GMDS: variants seen among roughly 807,000 people sequenced by gnomAD.
GMDS encodes GDP-mannose 4,6 dehydratase.
A neutral mutation model predicts 49.9 loss-of-function variants in GMDS; 20 were observed. That is an observed-to-expected ratio of 0.40 (90% CI 0.28 to 0.58). The LOEUF (loss-of-function observed/expected upper bound fraction) is 0.58. GMDS is among the 20% of genes least tolerant of loss of function. GMDS has a pLI of 0.42. For synonymous variants in GMDS, 177 were observed against 178.6 expected (o/e 0.99, Z 0.07); for missense variants, 362 against 481.4 (o/e 0.75, Z 2.32).
At chr6:1,805,275 A>G (rs1770127307) in intron 7 of GMDS, among the ~76,000 whole-genome samples, 1 of 152,234 alleles carries the variant, frequency 6.6e-6, no homozygotes, top group South Asian at 2.1e-4. Context: ...TATGCACTAC[A>G]GTATTACAAG....
intron 7 of GMDS, among the ~76,000 whole-genome samples, chr6:1,853,009 G>A (rs542136764): frequency 1.4e-4 from 21 of 151,958 alleles, no homozygotes; most frequent in Middle Eastern, 6.8e-3. Context: ...CCTGGGATCC[G>A]CTTTAAAGTC....
At chr6:1,716,168 T>C (rs1305871080) in intron 9 of GMDS, among the ~76,000 whole-genome samples, 1 of 152,328 alleles carries the variant, frequency 6.6e-6, no homozygotes, top group Non-Finnish European at 1.5e-5. Context: ...TAAAAACATC[T>C]TTAGATTGGT....
In GMDS at chr6:1,741,836, AAG is replaced by A. The variant is rs1158371056; in HGVS notation, c.890+630_890+631del. ...CAAAAAAAAAAAAAAAAAAAAAAAA[AAG>A]AAGGTGCTTATATTGAGACAAAACA... On this transcript the variant is annotated intron_variant, in intron 8 of 10. Transcript: ENST00000380815. Among the ~76,000 whole-genome samples the A allele has an allele frequency of 1.6e-3, 237 of 146,888 alleles. 9 individuals carry two copies. Among genetic ancestry groups the A allele is most frequent in the Admixed American group, 9.2e-3 (126 of 13,672 alleles).
chr6:2,105,276 A>C (rs928724560), intron 4 of GMDS, among the ~76,000 whole-genome samples: 1 of 152,138 alleles, frequency 6.6e-6, no homozygotes, highest in African/African-American at 2.4e-5. Flanking sequence ...CAGATGAAAA[A>C]ATTATTTACA....
intron 7 of GMDS, among the ~76,000 whole-genome samples, chr6:1,810,710 T>C (rs1770383204): frequency 6.6e-6 from 1 of 152,126 alleles, no homozygotes; most frequent in African/African-American, 2.4e-5. Flanking sequence ...TACTAAGGGT[T>C]TCCTCAGCCA....
At chr6:2,116,117 T>C (rs978174896) in intron 3 of GMDS, among the ~76,000 whole-genome samples, 7 of 152,144 alleles carry the variant, frequency 4.6e-5, no homozygotes, top group African/African-American at 1.7e-4. Flanking sequence ...CAGAAAAATG[T>C]TTTTTAAAGC....
intron 1 of GMDS, among the ~76,000 whole-genome samples, chr6:2,208,670 C>T (rs550349647): frequency 2.0e-5 from 3 of 152,172 alleles, no homozygotes; most frequent in African/African-American, 7.2e-5. Context: ...TGTGGAAGAG[C>T]TCAATGTAGC....
intron 8 of GMDS, 147 bp downstream of exon 8, chr6:1,742,321 A>G (rs1767306279): frequency 8.6e-6 from 5 of 579,008 alleles, no homozygotes; most frequent in Admixed American, 2.9e-5. Flanking sequence ...TGCAGAGCAG[A>G]GCAAAGGCCC....
At chr6:2,061,704 G>A (rs2127447891) in intron 4 of GMDS, among the ~76,000 whole-genome samples, 1 of 112,854 alleles carries the variant, frequency 8.9e-6, no homozygotes, top group East Asian at 3.0e-4. Context: ...GGGTGACAGT[G>A]CAAGACTCTG....
rs116091718 is a variant in GMDS, at chr6:1,681,843, G to A, written c.987+44573C>T. Among the ~76,000 whole-genome samples the A allele has an allele frequency of 1.4e-3, 207 of 152,328 alleles. 1 individual carries two copies. The highest frequency in any genetic ancestry group is 4.9e-3 in the African/African-American group (202 of 41,578). On this transcript the variant is annotated intron_variant, in intron 9 of 10. Transcript: ENST00000380815. ...CCTGAGTAGATGGGACTATAGGCAC[G>A]CACCACAGTGTGCGGCTAATTTTTG... is the stretch of plus-strand genomic sequence containing the variant.
chr6:1,919,182 C>T (rs556724974), intron 7 of GMDS, among the ~76,000 whole-genome samples: 1 of 152,178 alleles, frequency 6.6e-6, no homozygotes, highest in African/African-American at 2.4e-5. Flanking sequence ...CCAGGTCCTG[C>T]CTTCAAGGAG....
At chr6:1,630,970 G>C (rs1762982355) in intron 9 of GMDS, among the ~76,000 whole-genome samples, 1 of 152,188 alleles carries the variant, frequency 6.6e-6, no homozygotes, top group African/African-American at 2.4e-5. Context: ...AGGCTTCAAA[G>C]CCAGCACCAT....
intron 4 of GMDS, among the ~76,000 whole-genome samples, chr6:2,072,082 T>C (rs1186742119): frequency 6.6e-6 from 1 of 152,198 alleles, no homozygotes; most frequent in East Asian, 1.9e-4. Context: ...TGTGTGTGTA[T>C]TGCATGTCTG....
chr6:1,752,749 G>C (rs984379457), intron 7 of GMDS, among the ~76,000 whole-genome samples: 1 of 152,148 alleles, frequency 6.6e-6, no homozygotes, highest in Admixed American at 6.5e-5. Flanking sequence ...TTAAATAAAA[G>C]AATTTTCAAC....
intron 7 of GMDS, among the ~76,000 whole-genome samples, chr6:1,871,006 A>T (rs1758709000): frequency 6.6e-6 from 1 of 151,990 alleles, no homozygotes; most frequent in African/African-American, 2.4e-5. Context: ...AATTAGAGAG[A>T]AATGCCTCTC....
chr6:1,978,963 C>G lies in GMDS; in HGVS notation c.346-17997G>C, dbSNP rs375074365. Among the ~76,000 whole-genome samples, 3 of 152,188 alleles carry G rather than the reference C, an allele frequency of 2.0e-5. No homozygotes were observed. In the East Asian group the frequency reaches 5.8e-4, roughly 29 times the overall value. On this transcript the variant is annotated intron_variant, in intron 4 of 10. Transcript: ENST00000380815. The stretch of plus-strand genomic sequence containing the variant: ...ATAGGTACTGGAAAAACTGAGGCAA[C>G]TAGGGTCTGGAGTGGCCAGACTATT...
At chr6:1,731,012 T>C (rs114868676) in intron 8 of GMDS, among the ~76,000 whole-genome samples, 32 of 152,302 alleles carry the variant, frequency 2.1e-4, no homozygotes, top group African/African-American at 7.5e-4. Context: ...TCTACCACCT[T>C]TGACGTCCTC....
At chr6:1,822,158 G>A (rs1344562802) in intron 7 of GMDS, among the ~76,000 whole-genome samples, 2 of 152,280 alleles carry the variant, frequency 1.3e-5, no homozygotes, top group Non-Finnish European at 2.9e-5. Flanking sequence ...GGTACCACAC[G>A]TCACCAAGCT....
intron 7 of GMDS, among the ~76,000 whole-genome samples, chr6:1,886,603 AT>A (rs1759619874): frequency 6.6e-6 from 1 of 152,216 alleles, no homozygotes; most frequent in Non-Finnish European, 1.5e-5. Flanking sequence ...CACCTTACTT[AT>A]TTAATTTTAA....
Sources: gnomAD v4.1 joint callset for allele counts (sites outside exome capture counted in the v4.1 genomes callset) on GRCh38, gnomAD v4.1.1 for gene constraint, MANE v1.5 for transcripts, NCBI Gene and HGNC (gene_info 2026-07-23, HGNC 2026-07-21) for gene names.